The following KCNMB2 variants were observed in gnomAD, a reference collection of about 807,000 sequenced individuals.
The protein encoded by KCNMB2 is potassium calcium-activated channel subfamily M regulatory beta subunit 2, also known as calcium-activated potassium channel subunit beta-2.
KCNMB2 carries 9 observed loss-of-function variants against 24.5 expected under a neutral mutation model. The observed-to-expected ratio is 0.37, with a 90% CI of 0.22 to 0.64. KCNMB2 has a LOEUF of 0.64. Among genes scored for constraint, KCNMB2 ranks in the 30% least tolerant of loss-of-function variants. The pLI is 0.63. For synonymous variants in KCNMB2, 109 were observed against 104.4 expected, an observed-to-expected ratio of 1.04 and a Z score of -0.27; for missense variants, 226 against 284.3, an observed-to-expected ratio of 0.79 and a Z score of 1.47.
At chr3:178,757,226 A>C (rs1724096430) in intron 1 of KCNMB2, 1 of 147,118 alleles carries the variant, frequency 6.8e-6, no homozygotes. Flanking sequence ...ACCAGTGAAA[A>C]TTGTGGTACA....
intron 1 of KCNMB2, among the ~76,000 whole-genome samples, chr3:178,606,825 T>G (rs543521289): frequency 6.6e-6 from 1 of 152,272 alleles, no homozygotes; most frequent in African/African-American, 2.4e-5. Flanking sequence ...CCCTTACAAA[T>G]GGGATTTGAG....
intron 3 of KCNMB2, among the ~76,000 whole-genome samples, chr3:178,827,103 G>C (rs1714866010): frequency 6.6e-6 from 1 of 152,162 alleles, no homozygotes. Flanking sequence ...TCCAACAAAA[G>C]GAAAGCGTAT....
Position 178,656,727 on chromosome 3 carries a change from G to A in KCNMB2, c.-68+120016G>A, listed in dbSNP as rs181484590. Among the ~76,000 whole-genome samples, 116 of 152,238 alleles carry A rather than the reference G, an allele frequency of 7.6e-4. No homozygotes were observed. The East Asian group carries it at 0.021, about 27-fold the overall frequency. On this transcript the variant is annotated intron_variant, in intron 1 of 4. Coordinates refer to ENST00000452583, the MANE Select transcript of KCNMB2 (RefSeq NM_181361.3). ...ATGGAGGTTGCAGTGAGCCGAGATC[G>A]CGCCACTGCCCTACAGTCTTATCAA...
intron 1 of KCNMB2, among the ~76,000 whole-genome samples, chr3:178,556,457 T>G (rs555501242): frequency 2.0e-5 from 3 of 152,162 alleles, no homozygotes; most frequent in Non-Finnish European, 4.4e-5. Context: ...CAGGCTAGAG[T>G]GCAATGGCAC....
chr3:178,686,641 C>T lies in KCNMB2; in HGVS notation c.-67-120702C>T, dbSNP rs73045968. ...TTCCAAGGTGTCCTATTTGGGGATA[C>T]CATGTCCTAAATCCCATCAAGTAAC... On this transcript the variant is annotated intron_variant, in intron 1 of 4. Coordinates refer to ENST00000452583, the MANE Select transcript of KCNMB2 (RefSeq NM_181361.3). Among the ~76,000 whole-genome samples, 252 of 152,284 alleles carry T rather than the reference C, an allele frequency of 1.7e-3. 1 individual carries two copies. Among genetic ancestry groups the T allele is most frequent in the African/African-American group, 5.8e-3 (241 of 41,572 alleles).
chr3:178,734,725 C>T (rs1344979237), intron 1 of KCNMB2, among the ~76,000 whole-genome samples: 1 of 152,128 alleles, frequency 6.6e-6, no homozygotes, highest in Non-Finnish European at 1.5e-5. Flanking sequence ...AAGAATTCTC[C>T]ATTCTAATCC....
At chr3:178,764,270 A>G (rs1317413475) in intron 1 of KCNMB2, among the ~76,000 whole-genome samples, 2 of 152,234 alleles carry the variant, frequency 1.3e-5, no homozygotes, top group Non-Finnish European at 2.9e-5. Context: ...TCACCCAAAA[A>G]GCAGAAATTC....
At chr3:178,642,872 T>A (rs1052014512) in intron 1 of KCNMB2, among the ~76,000 whole-genome samples, 6 of 152,202 alleles carry the variant, frequency 3.9e-5, no homozygotes, top group African/African-American at 1.4e-4. Flanking sequence ...GGCAGTGGAT[T>A]TCAATCAGAA....
chr3:178,675,722 G>C (rs781316256), intron 1 of KCNMB2, among the ~76,000 whole-genome samples: 1 of 152,164 alleles, frequency 6.6e-6, no homozygotes, highest in Admixed American at 6.5e-5. Context: ...CCATAATAGA[G>C]ATCAGAGTAT....
intron 1 of KCNMB2, among the ~76,000 whole-genome samples, chr3:178,550,351 G>A (rs1015101665): frequency 4.0e-5 from 6 of 151,272 alleles, no homozygotes; most frequent in East Asian, 1.9e-4. Flanking sequence ...CCAGCTACTC[G>A]GGAGGCTGAG....
At chr3:178,736,571 G>A (rs868635848) in intron 1 of KCNMB2, among the ~76,000 whole-genome samples, 9 of 152,156 alleles carry the variant, frequency 5.9e-5, no homozygotes, top group South Asian at 2.1e-4. Flanking sequence ...CGCTGTAACC[G>A]GTTTGATGGA....
chr3:178,805,303 G>C (rs983374626), intron 1 of KCNMB2, among the ~76,000 whole-genome samples: 1 of 152,172 alleles, frequency 6.6e-6, no homozygotes, highest in African/African-American at 2.4e-5. Context: ...CAACGATATA[G>C]TATATGCTTA....
intron 1 of KCNMB2, among the ~76,000 whole-genome samples, chr3:178,704,702 T>A (rs1310839377): frequency 6.6e-6 from 1 of 152,172 alleles, no homozygotes; most frequent in Non-Finnish European, 1.5e-5. Flanking sequence ...TCCTACAATT[T>A]AAGAACATGA....
At chr3:178,821,776 T>C (rs1012494691) in intron 2 of KCNMB2, among the ~76,000 whole-genome samples, 1 of 152,176 alleles carries the variant, frequency 6.6e-6, no homozygotes, top group African/African-American at 2.4e-5. Flanking sequence ...CTAAACTATA[T>C]CCTTTTTCTT....
At chr3:178,641,499 T>C (rs901480219) in intron 1 of KCNMB2, among the ~76,000 whole-genome samples, 12 of 152,154 alleles carry the variant, frequency 7.9e-5, no homozygotes, top group South Asian at 2.1e-4. Flanking sequence ...AGGAAAGCAA[T>C]TGGCTTTTAT....
At chr3:178,682,355 C>A (rs1217817653) in intron 1 of KCNMB2, among the ~76,000 whole-genome samples, 4 of 152,138 alleles carry the variant, frequency 2.6e-5, no homozygotes, top group East Asian at 3.9e-4. Flanking sequence ...CCTCCAACTG[C>A]TGTCTTCTCC....
chr3:178,589,364 C>T (rs889847960), intron 1 of KCNMB2, among the ~76,000 whole-genome samples: 1 of 152,170 alleles, frequency 6.6e-6, no homozygotes, highest in African/African-American at 2.4e-5. Flanking sequence ...TGTCTCCACA[C>T]CCCACTTCCT....
chr3:178,838,296 A>G (rs1392570098), intron 4 of KCNMB2, among the ~76,000 whole-genome samples: 3 of 152,154 alleles, frequency 2.0e-5, no homozygotes, highest in African/African-American at 7.2e-5. Flanking sequence ...ATACTAAATT[A>G]TAACTGATTG....
intron 1 of KCNMB2, among the ~76,000 whole-genome samples, chr3:178,718,769 C>G (rs184893589): frequency 6.6e-6 from 1 of 152,194 alleles, no homozygotes; most frequent in Non-Finnish European, 1.5e-5. Flanking sequence ...CTTTAGCATA[C>G]TTTAGTCTGA....
Sources: gnomAD v4.1 joint callset for allele counts (sites outside exome capture counted in the v4.1 genomes callset) on GRCh38, gnomAD v4.1.1 for gene constraint, MANE v1.5 for transcripts, NCBI Gene and HGNC (gene_info 2026-07-23, HGNC 2026-07-21) for gene names.